Variants in SLC24A2 observed in about 807,000 individuals in gnomAD.
SLC24A2 encodes sodium/potassium/calcium exchanger 2.
SLC24A2 carries 36 observed loss-of-function variants against 62.0 expected under a neutral mutation model. That is an observed-to-expected ratio of 0.58 (90% CI 0.44 to 0.77). The LOEUF is 0.77. SLC24A2 is among the 30% of genes least tolerant of loss of function. The pLI is 0.00. For missense variants in SLC24A2, 846 were observed against 817.9 expected (o/e 1.03, Z -0.42); for synonymous variants, 358 against 294.0 (o/e 1.22, Z -2.23).
At chr9:20,167,775 A>G in the SLC24A2 span, among the ~76,000 whole-genome samples, 2 of 152,028 alleles carry the variant, frequency 1.3e-5, no homozygotes, top group Non-Finnish European at 2.9e-5. Context: ...GCTGGAGTGC[A>G]GTGGCAAGAT....
At chr9:19,553,695 A>G (rs896512552) in intron 7 of SLC24A2, among the ~76,000 whole-genome samples, 2 of 152,216 alleles carry the variant, frequency 1.3e-5, no homozygotes, top group African/African-American at 4.8e-5. Flanking sequence ...TTCCTTGGGT[A>G]GTTACCACCA....
chr9:20,001,238 A>G, the SLC24A2 span, among the ~76,000 whole-genome samples: 3 of 152,132 alleles, frequency 2.0e-5, no homozygotes, highest in African/African-American at 7.2e-5. Context: ...GATAGGAGGG[A>G]GTGTGCATCC....
At chr9:19,881,085 T>C in the SLC24A2 span, among the ~76,000 whole-genome samples, 1 of 152,198 alleles carries the variant, frequency 6.6e-6, no homozygotes, top group East Asian at 1.9e-4. Flanking sequence ...GTCATATACT[T>C]AGAACTAGGC....
chr9:19,889,076 T>G, the SLC24A2 span, among the ~76,000 whole-genome samples: 4 of 152,160 alleles, frequency 2.6e-5, no homozygotes, highest in African/African-American at 9.7e-5. Context: ...GTAGAGACAC[T>G]GAATAAGCAG....
chr9:20,139,947 G>A, the SLC24A2 span, among the ~76,000 whole-genome samples: 1 of 152,216 alleles, frequency 6.6e-6, no homozygotes, highest in African/African-American at 2.4e-5. Context: ...CATGGAAACA[G>A]CCCGTGCTGC....
the SLC24A2 span, among the ~76,000 whole-genome samples, chr9:19,919,793 C>T: frequency 2.6e-5 from 4 of 152,210 alleles, no homozygotes; most frequent in East Asian, 5.8e-4. Context: ...CGGAAAGCCC[C>T]TTATAAAACC....
At chr9:20,186,085 C>T in the SLC24A2 span, among the ~76,000 whole-genome samples, 1 of 152,060 alleles carries the variant, frequency 6.6e-6, no homozygotes, top group Non-Finnish European at 1.5e-5. Context: ...GCTTCCTTAG[C>T]TCACTTTCTG....
At chr9:20,151,520 T>C in the SLC24A2 span, among the ~76,000 whole-genome samples, 9 of 152,000 alleles carry the variant, frequency 5.9e-5, no homozygotes, top group South Asian at 1.9e-3. Flanking sequence ...AGGGCTTTGC[T>C]AGATCCTCTG....
chr9:19,638,797 GATGA>G (rs1818420903), intron 2 of SLC24A2, among the ~76,000 whole-genome samples: 3 of 104,134 alleles, frequency 2.9e-5, no homozygotes, highest in Non-Finnish European at 6.1e-5. Context: ...CATTAAATAA[GATGA>G]CATACGTAAA....
the SLC24A2 span, among the ~76,000 whole-genome samples, chr9:20,260,849 CTTTTTTTT>C: frequency 5.5e-5 from 5 of 90,280 alleles, no homozygotes; most frequent in Non-Finnish European, 7.9e-5. Flanking sequence ...ATCATTCTTT[CTTTTTTTT>C]TTTTTTTTTT....
intron 2 of SLC24A2, among the ~76,000 whole-genome samples, chr9:19,769,123 C>G (rs565941682): frequency 6.6e-6 from 1 of 152,322 alleles, no homozygotes; most frequent in Admixed American, 6.5e-5. Flanking sequence ...CTCTTTTCTA[C>G]TTGAAACCCA....
chr9:19,584,288 A>C (rs1042365375), intron 5 of SLC24A2, among the ~76,000 whole-genome samples: 285 of 150,572 alleles, frequency 1.9e-3, no homozygotes, highest in African/African-American at 6.3e-3. Context: ...AAAAAAAAAA[A>C]AAAAACAAAC....
At chr9:19,902,058 T>G in the SLC24A2 span, among the ~76,000 whole-genome samples, 1 of 152,226 alleles carries the variant, frequency 6.6e-6, no homozygotes, top group Non-Finnish European at 1.5e-5. Context: ...TAAGTAACCC[T>G]TGCCTGGCAC....
At chr9:19,520,640 T>C (rs1833150796) in intron 10 of SLC24A2, among the ~76,000 whole-genome samples, 1 of 152,030 alleles carries the variant, frequency 6.6e-6, no homozygotes, top group South Asian at 2.1e-4. Flanking sequence ...TTCTAAAGTA[T>C]TTCCTAAAAT....
chr9:19,992,554 T>C, the SLC24A2 span, among the ~76,000 whole-genome samples: 1 of 152,202 alleles, frequency 6.6e-6, no homozygotes, highest in African/African-American at 2.4e-5. Context: ...CATTAACTGA[T>C]TAAAAACATC....
intron 2 of SLC24A2, among the ~76,000 whole-genome samples, chr9:19,743,080 T>G (rs953796592): frequency 3.3e-5 from 5 of 152,160 alleles, no homozygotes; most frequent in African/African-American, 1.2e-4. Flanking sequence ...GAAAAAACTG[T>G]TATTTTGAAA....
At chr9:19,844,867 TG>T in the SLC24A2 span, among the ~76,000 whole-genome samples, 88 of 152,184 alleles carry the variant, frequency 5.8e-4, no homozygotes, top group Non-Finnish European at 1.1e-3. Flanking sequence ...TCTGTTCCAT[TG>T]GTCTATATGT....
chr9:19,593,726 C>A (rs904611611), intron 5 of SLC24A2, among the ~76,000 whole-genome samples: 12 of 152,060 alleles, frequency 7.9e-5, no homozygotes, highest in Admixed American at 2.6e-4. Flanking sequence ...CCATCTTGTA[C>A]AACAAGCTGC....
At chr9:20,295,036 G>GTATATATATATATATATATATATATATA in the SLC24A2 span, among the ~76,000 whole-genome samples, 3 of 145,618 alleles carry the variant, frequency 2.1e-5, no homozygotes, top group African/African-American at 7.5e-5. Flanking sequence ...GTGTATATAT[G>GTATATATATATATATATATATATATATA]TATATATATA....
Sources: allele counts gnomAD v4.1 joint callset (sites outside exome capture counted in the v4.1 genomes callset), GRCh38; gene constraint gnomAD v4.1.1; transcripts MANE v1.5; gene names NCBI Gene and HGNC (gene_info 2026-07-23, HGNC 2026-07-21).